CATSPERE: variants seen among roughly 807,000 people sequenced by gnomAD.
CATSPERE encodes catsper channel auxiliary subunit epsilon.
CATSPERE carries 93 observed loss-of-function variants against 114.1 expected under a neutral mutation model. That is an observed-to-expected ratio of 0.81 (90% CI 0.69 to 0.97). The LOEUF (loss-of-function observed/expected upper bound fraction) is 0.97, where lower values mean the gene tolerates loss of function less well. CATSPERE is among the 50% of genes least tolerant of loss of function. The pLI, the probability that CATSPERE is intolerant of heterozygous loss-of-function variation, is 0.00. For synonymous variants in CATSPERE, 341 were observed against 384.1 expected (o/e 0.89, Z 1.31); for missense variants, 1,058 against 1,131.6 (o/e 0.93, Z 0.93).
At chr1:244,528,152 C>T (rs996424108) in intron 8 of CATSPERE, among the ~76,000 whole-genome samples, 1 of 152,188 alleles carries the variant, frequency 6.6e-6, no homozygotes, top group Non-Finnish European at 1.5e-5. Context: ...GTTGTTCCCA[C>T]TCACCCCACC....
intron 2 of CATSPERE, among the ~76,000 whole-genome samples, chr1:244,475,663 A>C (rs1669215857): frequency 6.6e-6 from 1 of 150,992 alleles, no homozygotes; most frequent in African/African-American, 2.4e-5. Flanking sequence ...CAGCCTCCTG[A>C]GTAGCTGGGA....
At chr1:244,513,852 G>C (rs965850551) in intron 7 of CATSPERE, among the ~76,000 whole-genome samples, 2 of 152,194 alleles carry the variant, frequency 1.3e-5, no homozygotes, top group Non-Finnish European at 2.9e-5. Context: ...TATAACCTCA[G>C]GTCCTCCAAT....
In CATSPERE at chr1:244,607,555, C is replaced by T. The variant is rs117248725; in HGVS notation, c.2403+1761C>T. 2.6e-4 allele frequency among the ~76,000 whole-genome samples: 40 copies of T among 152,306 alleles called. No homozygotes were observed. In the East Asian group the frequency reaches 7.5e-3, roughly 29 times the overall value. ...TCTAGCTGGGGCCATATGACTGGTT[C>T]GCATGGCTGGAATATGAGCAGAAGT... is the stretch of plus-strand genomic sequence containing the variant. On this transcript the variant is annotated intron_variant, in intron 18 of 21. Transcript: ENST00000366534. This position sits in a 1 kb window ranked among gnomAD's most constrained non-coding sequence, Gnocchi z 4.4.
In CATSPERE at chr1:244,605,905, T is replaced by A. The variant is rs944056288; in HGVS notation, c.2403+111T>A. Reference sequence around the variant, plus strand: ...GAAAATAGAATAAGGCAGCAGTGGGTAGGAAAAAAATCACCTCTAGATTAA... The same window carrying A: ...GAAAATAGAATAAGGCAGCAGTGGGAAGGAAAAAAATCACCTCTAGATTAA... On this transcript the variant is annotated intron_variant, in intron 18 of 21. Transcript: ENST00000366534. 3.5e-5 allele frequency: 22 copies of A among 634,412 alleles called. No individual in the cohort carries two copies. In the African/African-American group the frequency reaches 4.1e-4, roughly 12 times the overall value. The allele number at this position is 634,412 out of a possible 1,614,324, so 39.3% of individuals were successfully genotyped here.
chr1:244,616,220 C>T (rs1249073071), intron 19 of CATSPERE, among the ~76,000 whole-genome samples: 1 of 152,162 alleles, frequency 6.6e-6, no homozygotes, highest in Non-Finnish European at 1.5e-5. Flanking sequence ...AAGCAATAAG[C>T]TTCCCTCTAG....
At chr1:244,480,796 CCT>C (rs1243678274) in intron 5 of CATSPERE, among the ~76,000 whole-genome samples, 1 of 152,176 alleles carries the variant, frequency 6.6e-6, no homozygotes, top group East Asian at 1.9e-4. Flanking sequence ...TTAACCCAGT[CCT>C]CTCTCACTCA....
chr1:244,578,843 T>TATATATATATATATATAC (rs756669283), intron 11 of CATSPERE, among the ~76,000 whole-genome samples: 2 of 139,592 alleles, frequency 1.4e-5, no homozygotes, highest in African/African-American at 5.6e-5. Context: ...TATATATATA[T>TATATATATATATATATAC]ACACACACAC....
At position 244,624,599 on chromosome 1, in the gene CATSPERE, G is replaced by A. The variant is rs145020442; in HGVS notation, c.2648+6913G>A. Among the ~76,000 whole-genome samples, 506 of 151,980 alleles carry A rather than the reference G, an allele frequency of 3.3e-3. 4 individuals are homozygous for A. Among genetic ancestry groups the A allele is most frequent in the African/African-American group, 0.011 (462 of 41,432 alleles). On this transcript the variant is annotated intron_variant, in intron 20 of 21. Transcript: ENST00000366534. Reference sequence around the variant, plus strand: ...GTGGATCACTTGCGGTCAGGAGCTCGAGACCAGCCTGGCCAACATGGAGAA... The same window carrying A: ...GTGGATCACTTGCGGTCAGGAGCTCAAGACCAGCCTGGCCAACATGGAGAA...
Position 244,607,019 on chromosome 1 carries a change from A to G in CATSPERE, c.2403+1225A>G, listed in dbSNP as rs1346951244. Among the ~76,000 whole-genome samples the G allele has an allele frequency of 6.6e-6, 1 of 152,044 alleles. No individual in the cohort carries two copies. Among genetic ancestry groups the G allele is most frequent in the Non-Finnish European group, 1.5e-5 (1 of 67,994 alleles). ...GCTTCCTCTGCACAGTCTCATCCCT[A>G]TACTATTGTATCCATCTTCTCCCTT... is the stretch of plus-strand genomic sequence containing the variant. On this transcript the variant is annotated intron_variant, in intron 18 of 21. Transcript: ENST00000366534. The surrounding 1 kb of genome is among the most constrained non-coding windows in gnomAD (Gnocchi z 4.4).
chr1:244,461,567 C>T (rs910639729), intron 1 of CATSPERE, 73 bp downstream of exon 1: 46 of 1,198,682 alleles, frequency 3.8e-5, no homozygotes, highest in Non-Finnish European at 4.9e-5. Context: ...GAGGGTCCTG[C>T]TCTCCACCCC....
At position 244,560,700 on chromosome 1, in the gene CATSPERE, G is replaced by A; in HGVS notation, c.1062G>A (p.Trp354Ter). 6.2e-7 allele frequency: 1 copy of A among 1,612,600 alleles called. No individual in the cohort carries two copies. Among genetic ancestry groups the A allele is most frequent in the Non-Finnish European group, 8.5e-7 (1 of 1,179,418 alleles). The change falls in exon 10 of 22, where the codon TGG becomes TGA. Residue 354 changes from tryptophan to a stop codon, truncating the protein, a stop_gained. Coordinates refer to ENST00000366534, the MANE Select transcript of CATSPERE (RefSeq NM_001130957.2). LOFTEE classifies it high-confidence loss of function. ...GAAGAAGAAGCACCTTTGCAGTCTG[G>A]ACAGAAAATGAAATTTACCTCGGAT... ...AKGRRSTFAV[W>*]TENEIYLGSI... is the part of the protein sequence containing the mutation.
chr1:244,477,656 T>C (rs1669579749), intron 3 of CATSPERE, 42 bp downstream of exon 3: 1 of 1,262,996 alleles, frequency 7.9e-7, no homozygotes, highest in Non-Finnish European at 1.1e-6. Flanking sequence ...TGTATATTTT[T>C]TAATTCATTC....
chr1:244,499,500 C>T (rs113352068), intron 7 of CATSPERE, among the ~76,000 whole-genome samples: 15 of 131,730 alleles, frequency 1.1e-4, no homozygotes, highest in African/African-American at 3.3e-4. Flanking sequence ...CCTTCCCCCC[C>T]ACCCCTCGAC....
intron 14 of CATSPERE, among the ~76,000 whole-genome samples, chr1:244,591,250 T>A (rs536067636): frequency 6.7e-6 from 1 of 149,106 alleles, no homozygotes; most frequent in Admixed American, 6.6e-5. Context: ...CACATAGTTA[T>A]CATTTTGGTG....
intron 19 of CATSPERE, among the ~76,000 whole-genome samples, chr1:244,614,517 C>T (rs936499716): frequency 6.6e-6 from 1 of 152,244 alleles, no homozygotes; most frequent in African/African-American, 2.4e-5. Flanking sequence ...GCTTTTTATA[C>T]AAACATCTTC....
intron 9 of CATSPERE, among the ~76,000 whole-genome samples, chr1:244,553,393 C>G (rs1383171645): frequency 6.6e-6 from 1 of 151,402 alleles, no homozygotes; most frequent in Non-Finnish European, 1.5e-5. Context: ...ACTAAAAATA[C>G]AAAAAATTAG....
intron 8 of CATSPERE, among the ~76,000 whole-genome samples, chr1:244,532,581 C>T (rs1679780992): frequency 6.6e-6 from 1 of 152,036 alleles, no homozygotes; most frequent in Admixed American, 6.6e-5. Context: ...ACTGTAATTG[C>T]CTGCCCTTCA....
chr1:244,504,689 G>T lies in CATSPERE; in HGVS notation c.429+5610G>T, dbSNP rs754401551. On this transcript the variant is annotated intron_variant, in intron 7 of 21. Coordinates refer to ENST00000366534, the MANE Select transcript of CATSPERE (RefSeq NM_001130957.2). This position sits in a 1 kb window ranked among gnomAD's most constrained non-coding sequence, Gnocchi z 4.1. ...TCATCTGAGATTTTTCTCATAATCA[G>T]ATTGGAGTTAGGTGTTTCAGGCAGG... Among the ~76,000 whole-genome samples the T allele has an allele frequency of 5.3e-5, 8 of 152,210 alleles. No homozygotes were observed. The highest frequency in any genetic ancestry group is 1.2e-4 in the Non-Finnish European group (8 of 68,040).
At chr1:244,526,250 A>T (rs967978616) in intron 8 of CATSPERE, among the ~76,000 whole-genome samples, 8 of 151,988 alleles carry the variant, frequency 5.3e-5, no homozygotes, top group African/African-American at 1.9e-4. Context: ...CTATGCACAA[A>T]ATACAAAAAT....
Sources: gnomAD v4.1 joint callset for allele counts (sites outside exome capture counted in the v4.1 genomes callset) on GRCh38, gnomAD v4.1.1 for gene constraint, Gnocchi (gnomAD v3.1) non-coding constraint, MANE v1.5 for transcripts, NCBI Gene and HGNC (gene_info 2026-07-23, HGNC 2026-07-21) for gene names.